MMP25: variants seen among roughly 807,000 people sequenced by gnomAD.
MMP25 encodes the protein matrix metallopeptidase 25.
A neutral mutation model predicts 62.1 loss-of-function variants in MMP25; 68 were observed. That is an observed-to-expected ratio of 1.10 (90% CI 0.90 to 1.34). The LOEUF (loss-of-function observed/expected upper bound fraction) is 1.34, where lower values mean the gene tolerates loss of function less well. Ranked by LOEUF, MMP25 falls within the 40% of genes most tolerant of loss-of-function variation. MMP25 has a pLI of 0.00. For synonymous variants in MMP25, 407 were observed against 345.6 expected (o/e 1.18, Z -1.97); for missense variants, 942 against 792.5 (o/e 1.19, Z -2.26).
At chr16:3,047,320 T>G in intron 1 of MMP25, 95 bp from the exon 2 acceptor site, 1 of 1,508,450 alleles carries the variant, frequency 6.6e-7, no homozygotes. Context: ...GGGCTCTGGG[T>G]GCCTGGGAGG....
rs903494132 is a variant in MMP25 at position 3,059,357 on chromosome 16, C to G, written c.*259C>G. On this transcript the variant is annotated 3_prime_UTR_variant, in exon 10 of 10. Transcript: ENST00000336577. ...ACCCGCCTTCAGGGGCGCACGCGCG[C>G]TGGGACCATGCGTCGGTCGTCGCCC... is the stretch of plus-strand genomic sequence containing the variant. 36 of 376,086 alleles carry G rather than the reference C, an allele frequency of 9.6e-5. No homozygotes were observed. Among genetic ancestry groups the G allele is most frequent in the African/African-American group, 6.0e-4 (28 of 46,306 alleles). 23.3% of individuals were successfully genotyped at this position (376,086 alleles called of 1,614,324 possible).
rs199763197 is a variant in MMP25, at chr16:3,057,364, C to T, written c.893C>T (p.Pro298Leu). The T allele has an allele frequency of 7.8e-5, 126 of 1,613,524 alleles. No homozygotes were observed. The highest frequency in any genetic ancestry group is 1.0e-4 in the Admixed American group (6 of 59,928). The change falls in exon 6 of 10, where the codon CCG (proline) becomes CTG (leucine). Residue 298 changes from proline to leucine, a missense_variant. Pro to Leu is a moderately conservative substitution (Grantham distance 98). Transcript: ENST00000336577. ...CCCACAAGGAAACCCCTGGCTCCTCCGCCCCAGCCCCCGGCCTCGCCCACA... is the reference window on the plus strand; with the variant it reads ...CCCACAAGGAAACCCCTGGCTCCTCTGCCCCAGCCCCCGGCCTCGCCCACA... The part of the protein sequence containing the change: ...DKPTRKPLAP[P>L]PQPPASPTHS...
In MMP25 at chr16:3,058,501, G is replaced by C; in HGVS notation, c.1249G>C (p.Asp417His). The stretch of plus-strand genomic sequence containing the variant: ...GGGGCTGCCCCCGGGAGAGGAGGTG[G>C]ACGCCGTGTTCTCGTGGCCACAGAA... ...ELGLPPGEEV[D>H]AVFSWPQNGK... Residue 417 changes from aspartate (D) to histidine (H), a missense_variant, in exon 9 of 10, where the codon GAC becomes CAC. Coordinates refer to ENST00000336577, the MANE Select transcript of MMP25 (RefSeq NM_022468.5). 6.2e-7 allele frequency: 1 copy of C among 1,609,670 alleles called. No individual in the cohort carries two copies. The highest frequency in any genetic ancestry group is 8.5e-7 in the Non-Finnish European group (1 of 1,178,842).
intron 4 of MMP25, chr16:3,051,831 T>C (rs928250107): frequency 2.6e-5 from 4 of 152,056 alleles, no homozygotes; most frequent in African/African-American, 7.2e-5. Context: ...CCTCAATATA[T>C]ATATGAATAT....
Position 3,056,900 on chromosome 16 carries a change from G to A in MMP25, c.662-133G>A, listed in dbSNP as rs187906301. The A allele has an allele frequency of 4.7e-6, 4 of 847,506 alleles. No homozygotes were observed. In the Admixed American group the frequency reaches 1.2e-4, roughly 25 times the overall value. The allele number at this position is 847,506 out of a possible 1,614,324, so 52.5% of individuals were successfully genotyped here. ...TGATGGAGAGTTCAGGAAGGGCTGGGCAGAGGAGGCTGGGGCCACCTCTGG... is the reference window on the plus strand; with the variant it reads ...TGATGGAGAGTTCAGGAAGGGCTGGACAGAGGAGGCTGGGGCCACCTCTGG... On this transcript the variant is annotated intron_variant, in intron 4 of 9. Coordinates refer to ENST00000336577, the MANE Select transcript of MMP25 (RefSeq NM_022468.5).
Position 3,046,950 on chromosome 16 carries a change from G to A in MMP25, c.33G>A (p.Leu11=). The A allele has an allele frequency of 1.4e-6, 2 of 1,472,266 alleles. No individual in the cohort carries two copies. The highest frequency in any genetic ancestry group is 3.0e-5 in the East Asian group (1 of 33,726). The allele number at this position is 1,472,266 out of a possible 1,614,324, so 91.2% of individuals were successfully genotyped here. ...TGCGGCTCCGGCTTCTGGCGCTGCTGCTTCTGCTGCTGGCACCGCCCGCGC... is the reference window on the plus strand; with the variant it reads ...TGCGGCTCCGGCTTCTGGCGCTGCTACTTCTGCTGCTGGCACCGCCCGCGC... MRLRLRLLAL[L]LLLLAPPARA... Residue 11 remains leucine, a synonymous_variant, in exon 1 of 10, where the codon CTG becomes CTA. Coordinates refer to ENST00000336577, the MANE Select transcript of MMP25 (RefSeq NM_022468.5).
chr16:3,047,569 C>G (rs1402181353), intron 2 of MMP25, 22 bp downstream of exon 2: 5 of 1,608,156 alleles, frequency 3.1e-6, no homozygotes, highest in Middle Eastern at 1.9e-4. Context: ...CCACCCCTCC[C>G]CAGCCCTGCC....
chr16:3,048,636 C>T (rs2151152510), intron 2 of MMP25, among the ~76,000 whole-genome samples: 1 of 152,044 alleles, frequency 6.6e-6, no homozygotes, highest in South Asian at 2.1e-4. Flanking sequence ...GCAAAGACCC[C>T]ACGGCACGCA....
Position 3,055,297 on chromosome 16 carries a change from G to A in MMP25, c.662-1736G>A, listed in dbSNP as rs146206450. 3.1e-4 allele frequency among the ~76,000 whole-genome samples: 47 copies of A among 152,214 alleles called. 1 individual carries two copies. The East Asian group carries it at 8.1e-3, about 26-fold the overall frequency. ...GGGTGCAGGAAGGGGTGCAGGGCCCGGAAGCCCAGTATGGCCAAGGAGAGA... is the reference window on the plus strand; with the variant it reads ...GGGTGCAGGAAGGGGTGCAGGGCCCAGAAGCCCAGTATGGCCAAGGAGAGA... On this transcript the variant is annotated intron_variant, in intron 4 of 9. Transcript: ENST00000336577.
chr16:3,050,090 G>C lies in MMP25; in HGVS notation c.314G>C (p.Arg105Pro). ...VLGVAGLVRRRRRYALSGSVW... is the reference protein window; with the variant it reads ...VLGVAGLVRRPRRYALSGSVW... ...GGGGTGGCGGGGCTGGTCAGGCGGC[G>C]TCGCCGGTACGCTCTGAGCGGCAGC... Residue 105 changes from arginine (R) to proline (P), a missense_variant, in exon 3 of 10, where the codon CGT becomes CCT. By Grantham distance (103) the Arg-to-Pro change is moderately radical (BLOSUM62 -2). Transcript: ENST00000336577. The C allele has an allele frequency of 6.2e-7, 1 of 1,611,410 alleles. No homozygotes were observed. Among genetic ancestry groups the C allele is most frequent in the South Asian group, 1.1e-5 (1 of 91,044 alleles).
chr16:3,058,014 A>C (rs772843823), intron 7 of MMP25, 167 bp from the exon 8 acceptor site: 10 of 730,000 alleles, frequency 1.4e-5, no homozygotes, highest in Non-Finnish European at 2.2e-5. Flanking sequence ...TGGCACTTTT[A>C]GCGCTAAAAA....
chr16:3,058,311 C>A lies in MMP25; in HGVS notation c.1137C>A (p.Asp379Glu). ...AGGCCGCCTATGCTCGGCACCGAGA[C>A]GGCCGAATCCTCCTCTTTAGCGGTG... is the stretch of plus-strand genomic sequence containing the variant. ...VVQAAYARHRDGRILLFSGPQ... is the reference protein window; with the variant it reads ...VVQAAYARHREGRILLFSGPQ... The change falls in exon 8 of 10, where the codon GAC becomes GAA. Residue 379 changes from aspartate to glutamate, a missense_variant. Coordinates refer to ENST00000336577, the MANE Select transcript of MMP25 (RefSeq NM_022468.5). The A allele has an allele frequency of 6.3e-7, 1 of 1,599,254 alleles. No homozygotes were observed. The highest frequency in any genetic ancestry group is 8.5e-7 in the Non-Finnish European group (1 of 1,174,664).
intron 4 of MMP25, chr16:3,052,575 G>A (rs1271991878): frequency 1.3e-5 from 2 of 152,004 alleles, no homozygotes; most frequent in South Asian, 2.0e-4. Context: ...TCTGAGGGAG[G>A]TTCAGTTAGG....
In MMP25 at chr16:3,059,277, G is replaced by A; in HGVS notation, c.*179G>A. On this transcript the variant is annotated 3_prime_UTR_variant, in exon 10 of 10. Transcript: ENST00000336577. The stretch of plus-strand genomic sequence containing the variant: ...GGGGCGGCGGCGGCGGGGACCGGTC[G>A]CCTGGCGCTGGGCTCAGTCTCCTCA... 2 of 717,900 alleles carry A rather than the reference G, an allele frequency of 2.8e-6. No homozygotes were observed. Among genetic ancestry groups the A allele is most frequent in the Non-Finnish European group, 4.2e-6 (2 of 475,932 alleles). 44.5% of individuals were successfully genotyped at this position (717,900 alleles called of 1,614,324 possible).
At chr16:3,049,689 C>T (rs1478732871) in intron 2 of MMP25, among the ~76,000 whole-genome samples, 6 of 152,190 alleles carry the variant, frequency 3.9e-5, no homozygotes, top group African/African-American at 1.4e-4. Context: ...ACCCAGGGCT[C>T]CTTTCTCCAG....
intron 1 of MMP25, 21 bp downstream of exon 1, chr16:3,047,037 C>G (rs1955831482): frequency 7.0e-7 from 1 of 1,422,344 alleles, no homozygotes; most frequent in Non-Finnish European, 9.1e-7. Context: ...GGTCCGCAGG[C>G]TCCTGGGGTC....
intron 4 of MMP25, chr16:3,052,340 T>C (rs1955916880): frequency 6.6e-6 from 1 of 151,830 alleles, no homozygotes; most frequent in African/African-American, 2.4e-5. Flanking sequence ...ATGGCATCAG[T>C]AGGGAGACTG....
chr16:3,058,544 TCCGC>T lies in MMP25; in HGVS notation c.1293_1296del (p.Arg432AlafsTer22), dbSNP rs1956056535. 3.1e-6 allele frequency: 5 copies of T among 1,610,696 alleles called. 1 individual carries two copies. In the South Asian group the frequency reaches 5.5e-5, roughly 18 times the overall value. The stretch of plus-strand genomic sequence containing the variant: ...CCACAGAACGGGAAGACCTACCTGG[TCCGC>T]GGCCGGCAGTACTGGCGCTACGACG... On this transcript the variant is annotated frameshift_variant, in exon 9 of 10. Transcript: ENST00000336577. LOFTEE classifies it high-confidence loss of function.
chr16:3,058,735 G>A (rs1463932594), intron 9 of MMP25, 66 bp downstream of exon 9: 1 of 1,527,868 alleles, frequency 6.5e-7, no homozygotes, highest in Non-Finnish European at 8.8e-7. Context: ...GGGGAATGGG[G>A]ACATGGAGGC....
Sources: allele counts gnomAD v4.1 joint callset (sites outside exome capture counted in the v4.1 genomes callset), GRCh38; gene constraint gnomAD v4.1.1; transcripts MANE v1.5; gene names NCBI Gene and HGNC (gene_info 2026-07-23, HGNC 2026-07-21).